OSBP2: variants seen among roughly 807,000 people sequenced by gnomAD.
OSBP2 encodes oxysterol binding protein 2, also known as oxysterol-binding protein 2.
Under a neutral mutation model 96.0 loss-of-function variants are expected in OSBP2, and 66 were observed. The ratio of observed to expected loss-of-function variants is 0.69; its 90% CI spans 0.56 to 0.84. OSBP2 has a LOEUF of 0.84. Among genes scored for constraint, OSBP2 ranks in the 40% least tolerant of loss-of-function variants. The pLI is 0.00. For synonymous variants in OSBP2, 525 were observed against 520.9 expected (o/e 1.01, Z -0.11); for missense variants, 1,038 against 1,222.7 (o/e 0.85, Z 2.25).
intron 3 of OSBP2, among the ~76,000 whole-genome samples, chr22:30,882,220 G>A (rs552997285): frequency 6.6e-6 from 1 of 152,302 alleles, no homozygotes; most frequent in South Asian, 2.1e-4. Flanking sequence ...TGCTTGGACA[G>A]GGTTATTCCC....
chr22:30,766,202 C>G (rs1384773415), intron 2 of OSBP2, among the ~76,000 whole-genome samples: 1 of 152,132 alleles, frequency 6.6e-6, no homozygotes, highest in Non-Finnish European at 1.5e-5. Flanking sequence ...GCCTGGGTGA[C>G]AGAGCAAGAC....
chr22:30,887,721 A>G, intron 4 of OSBP2, 103 bp downstream of exon 4: 1 of 1,059,060 alleles, frequency 9.4e-7, no homozygotes, highest in South Asian at 1.6e-5. Context: ...CTGTGCCCAC[A>G]TGTGGGCTGG....
chr22:30,695,675 T>C (rs969777813), intron 1 of OSBP2, 122 bp downstream of exon 1: 1 of 1,478,954 alleles, frequency 6.8e-7, no homozygotes, highest in Non-Finnish European at 9.0e-7. Flanking sequence ...GGGGCATGCA[T>C]TCCAGCAGGC....
At chr22:30,756,126 C>G (rs1302046711) in intron 2 of OSBP2, among the ~76,000 whole-genome samples, 1 of 152,198 alleles carries the variant, frequency 6.6e-6, no homozygotes, top group African/African-American at 2.4e-5. Context: ...AGTTACCCTT[C>G]CAGTGCCCTT....
chr22:30,707,846 C>T (rs1333050541), intron 1 of OSBP2, among the ~76,000 whole-genome samples: 2 of 151,820 alleles, frequency 1.3e-5, no homozygotes, highest in Admixed American at 6.6e-5. Flanking sequence ...AACACAGTGA[C>T]CACGAGGCTA....
intron 3 of OSBP2, among the ~76,000 whole-genome samples, chr22:30,877,275 A>G (rs2039603740): frequency 6.6e-6 from 1 of 152,202 alleles, no homozygotes; most frequent in African/African-American, 2.4e-5. Flanking sequence ...AAGCTAGCCT[A>G]GCAGATCCGT....
chr22:30,733,872 G>A (rs2089815340), intron 1 of OSBP2, among the ~76,000 whole-genome samples: 1 of 152,148 alleles, frequency 6.6e-6, no homozygotes, highest in Non-Finnish European at 1.5e-5. Flanking sequence ...TTCTCTTGCA[G>A]TTAAATTGTA....
intron 2 of OSBP2, among the ~76,000 whole-genome samples, chr22:30,865,524 C>T (rs1200902397): frequency 4.1e-5 from 6 of 146,878 alleles, no homozygotes; most frequent in East Asian, 4.1e-4. Context: ...CCCAGCTACT[C>T]GGGAGGCTGA....
chr22:30,874,386 T>TG (rs1183190465), intron 3 of OSBP2, among the ~76,000 whole-genome samples: 1 of 151,740 alleles, frequency 6.6e-6, no homozygotes, highest in East Asian at 1.9e-4. Context: ...CACTCCAGCC[T>TG]GGCAACAGAG....
chr22:30,767,242 A>T (rs528723333), intron 2 of OSBP2, among the ~76,000 whole-genome samples: 25 of 151,852 alleles, frequency 1.6e-4, no homozygotes, highest in Non-Finnish European at 2.6e-4. Flanking sequence ...CCTGGGAGGC[A>T]AAGGTTTCAG....
chr22:30,871,452 G>A lies in OSBP2; in HGVS notation c.1107+770G>A, dbSNP rs2039457509. ...GTCTGACTGCAACAGCCTCCTCCCA[G>A]GACAGTCCCCCAGGGCGGCACATCT... On this transcript the variant is annotated intron_variant, in intron 3 of 13. Coordinates refer to ENST00000332585, the MANE Select transcript of OSBP2 (RefSeq NM_030758.4). This position sits in a 1 kb window ranked among gnomAD's most constrained non-coding sequence, Gnocchi z 4.7. 6.6e-6 allele frequency among the ~76,000 whole-genome samples: 1 copy of A among 152,172 alleles called. No individual in the cohort carries two copies. The highest frequency in any genetic ancestry group is 1.5e-5 in the Non-Finnish European group (1 of 68,028).
At chr22:30,731,378 C>T (rs1021639005) in intron 1 of OSBP2, among the ~76,000 whole-genome samples, 7 of 152,064 alleles carry the variant, frequency 4.6e-5, no homozygotes, top group Non-Finnish European at 7.4e-5. Flanking sequence ...ATGGACTTTT[C>T]CAGAACTTAC....
chr22:30,739,623 C>G (rs566504093), intron 1 of OSBP2, among the ~76,000 whole-genome samples: 23 of 151,756 alleles, frequency 1.5e-4, no homozygotes, highest in Admixed American at 1.5e-3. Flanking sequence ...TACAGGTGCA[C>G]GCTACCATGC....
chr22:30,780,963 T>A (rs2090510630), intron 2 of OSBP2, among the ~76,000 whole-genome samples: 1 of 152,054 alleles, frequency 6.6e-6, no homozygotes, highest in South Asian at 2.1e-4. Flanking sequence ...ATGTACAGTT[T>A]TTATTTTAAT....
At chr22:30,845,950 T>C (rs1278805541) in intron 2 of OSBP2, among the ~76,000 whole-genome samples, 1 of 151,672 alleles carries the variant, frequency 6.6e-6, no homozygotes, top group East Asian at 1.9e-4. Context: ...ACTGCCTTTA[T>C]CCATTCATCA....
chr22:30,787,039 C>T (rs2090599788), intron 2 of OSBP2, among the ~76,000 whole-genome samples: 1 of 152,094 alleles, frequency 6.6e-6, no homozygotes, highest in Non-Finnish European at 1.5e-5. Context: ...ACCTGGTGAT[C>T]CGCCTGTCTC....
At position 30,906,237 on chromosome 22, in the gene OSBP2, G is replaced by A. The variant is rs751056805; in HGVS notation, c.2649G>A (p.Lys883=). ...ADAYTPLWFE[K]RLDPLTGEMA... ...CCTACACGCCACTGTGGTTTGAGAAGAGGCTGGATCCGCTGACCGGGGAGA... is the reference window on the plus strand; with the variant it reads ...CCTACACGCCACTGTGGTTTGAGAAAAGGCTGGATCCGCTGACCGGGGAGA... The change falls in exon 14 of 14, where the codon AAG becomes AAA. Residue 883 remains lysine (K), a synonymous_variant. Transcript: ENST00000332585. 3 of 1,614,212 alleles carry A rather than the reference G, an allele frequency of 1.9e-6. No homozygotes were observed. The highest frequency in any genetic ancestry group is 2.2e-5 in the South Asian group (2 of 91,090).
At chr22:30,779,847 G>T (rs147578623) in intron 2 of OSBP2, among the ~76,000 whole-genome samples, 295 of 152,246 alleles carry the variant, frequency 1.9e-3, no homozygotes, top group Non-Finnish European at 3.6e-3. Flanking sequence ...TGGCTGGGTG[G>T]TCTTTCTCCC....
At chr22:30,719,380 A>T (rs1260877770) in intron 1 of OSBP2, among the ~76,000 whole-genome samples, 3 of 151,970 alleles carry the variant, frequency 2.0e-5, no homozygotes, top group Non-Finnish European at 4.4e-5. Flanking sequence ...ATGTGCCATG[A>T]ATGGGAAGCT....
Sources: gnomAD v4.1 joint callset for allele counts (sites outside exome capture counted in the v4.1 genomes callset) on GRCh38, gnomAD v4.1.1 for gene constraint, Gnocchi (gnomAD v3.1) non-coding constraint, MANE v1.5 for transcripts, NCBI Gene and HGNC (gene_info 2026-07-23, HGNC 2026-07-21) for gene names.